The following CACNA2D4 variants were observed in gnomAD, a reference collection of about 807,000 sequenced individuals.
The protein encoded by CACNA2D4 is voltage-dependent calcium channel subunit alpha-2/delta-4.
A neutral mutation model predicts 163.8 loss-of-function variants in CACNA2D4; 157 were observed. That is an observed-to-expected ratio of 0.96 (90% CI 0.84 to 1.09). The LOEUF is 1.09. CACNA2D4 is among the 50% of genes least tolerant of loss of function. The pLI is 0.00. For missense variants in CACNA2D4, 1,410 were observed against 1,479.9 expected (o/e 0.95, Z 0.78); for synonymous variants, 598 against 586.9 (o/e 1.02, Z -0.27).
chr12:1,816,589 G>A (rs1204925022), intron 26 of CACNA2D4, among the ~76,000 whole-genome samples: 2 of 152,156 alleles, frequency 1.3e-5, no homozygotes, highest in Non-Finnish European at 2.9e-5. Context: ...CTGTAAGATC[G>A]CAGCTCAGCT....
chr12:1,879,134 A>T lies in CACNA2D4; in HGVS notation c.1564-98T>A, dbSNP rs1865940888. ...TGTCCAGAGCCTGGAAGAGGAAGCC[A>T]CTTAGGCTTTAAGTGGTTCTTCCTC... On this transcript the variant is annotated intron_variant, in intron 14 of 37. Transcript: ENST00000382722. 1.6e-5 allele frequency: 14 copies of T among 895,300 alleles called. No homozygotes were observed. In the South Asian group the frequency reaches 2.0e-4, roughly 13 times the overall value. The allele number at this position is 895,300 out of a possible 1,614,324, so 55.5% of individuals were successfully genotyped here.
At chr12:1,797,912 G>A (rs1279286556) in intron 34 of CACNA2D4, among the ~76,000 whole-genome samples, 2 of 152,188 alleles carry the variant, frequency 1.3e-5, no homozygotes, top group African/African-American at 4.8e-5. Context: ...CCAAGGGGTG[G>A]CTTGGGGGTA....
intron 26 of CACNA2D4, among the ~76,000 whole-genome samples, chr12:1,825,369 G>A (rs1302491361): frequency 6.6e-6 from 1 of 152,248 alleles, no homozygotes; most frequent in African/African-American, 2.4e-5. Context: ...CAGAAGGAGT[G>A]GGAGCAGACA....
chr12:1,815,098 G>A (rs1336840790), intron 26 of CACNA2D4, among the ~76,000 whole-genome samples: 3 of 152,132 alleles, frequency 2.0e-5, no homozygotes, highest in Non-Finnish European at 2.9e-5. Flanking sequence ...CGCCATGCTG[G>A]CCAGGCTGGT....
Position 1,813,649 on chromosome 12 carries a change from T to A in CACNA2D4, c.2552-1926A>T, listed in dbSNP as rs139156348. On this transcript the variant is annotated intron_variant, in intron 26 of 37. Transcript: ENST00000382722. ...CCGAGGCTTTGAGAGGTACCTCCCC[T>A]CCCTTGGAGTCTCATGGCAATCCTG... 3.4e-3 allele frequency among the ~76,000 whole-genome samples: 512 copies of A among 152,308 alleles called. 3 individuals are homozygous for A. Among genetic ancestry groups the A allele is most frequent in the African/African-American group, 8.7e-3 (360 of 41,582 alleles).
chr12:1,860,802 C>T (rs935363332), intron 18 of CACNA2D4, among the ~76,000 whole-genome samples: 1 of 152,228 alleles, frequency 6.6e-6, no homozygotes, highest in African/African-American at 2.4e-5. Flanking sequence ...TCTAAGCTGC[C>T]ATCTTTTAGC....
chr12:1,887,888 G>A (rs1399329232), intron 6 of CACNA2D4, among the ~76,000 whole-genome samples: 1 of 152,188 alleles, frequency 6.6e-6, no homozygotes, highest in Non-Finnish European at 1.5e-5. Flanking sequence ...GAAGCTCCAA[G>A]GGCCCTTCCT....
In CACNA2D4 at chr12:1,811,647, C is replaced by A. The variant is rs950045747; in HGVS notation, c.2613+15G>T. 3 of 1,558,370 alleles carry A rather than the reference C, an allele frequency of 1.9e-6. No individual in the cohort carries two copies. Among genetic ancestry groups the A allele is most frequent in the East Asian group, 2.4e-5 (1 of 41,128 alleles). On this transcript the variant is annotated intron_variant, in intron 27 of 37. Coordinates refer to ENST00000382722, the MANE Select transcript of CACNA2D4 (RefSeq NM_172364.5). ...GTGAGTCCCCAGCCCCGACCTGGCC[C>A]GACATCACACCTACCTGCCGCGTTG...
chr12:1,800,937 G>A (rs1863298912), intron 31 of CACNA2D4, 106 bp downstream of exon 31: 2 of 1,032,522 alleles, frequency 1.9e-6, no homozygotes, highest in African/African-American at 3.1e-5. Context: ...GGGCCCTGGG[G>A]CCAGACACCC....
rs537117063 is a variant in CACNA2D4 at position 1,805,255 on chromosome 12, C to T, written c.2722-3611G>A. On this transcript the variant is annotated intron_variant, in intron 29 of 37. Transcript: ENST00000382722. Reference sequence around the variant, plus strand: ...CCTGTGAGCACCACCCAGAAGCCTGCGGGGGAAGCAGATGGGGGCAGAGGC... The same window carrying T: ...CCTGTGAGCACCACCCAGAAGCCTGTGGGGGAAGCAGATGGGGGCAGAGGC... 3.0e-3 allele frequency among the ~76,000 whole-genome samples: 450 copies of T among 152,168 alleles called. 1 individual carries two copies. Among genetic ancestry groups the T allele is most frequent in the African/African-American group, 0.01 (431 of 41,514 alleles).
At chr12:1,853,286 T>C (rs1565711437) in intron 23 of CACNA2D4, among the ~76,000 whole-genome samples, 1 of 152,208 alleles carries the variant, frequency 6.6e-6, no homozygotes, top group Non-Finnish European at 1.5e-5. Context: ...TTCCACATCT[T>C]GCTTTTTTCA....
chr12:1,884,881 A>G lies in CACNA2D4; in HGVS notation c.1159T>C (p.Phe387Leu). Residue 387 changes from phenylalanine to leucine, a missense_variant and splice_region_variant, in exon 11 of 38, where the codon TTC becomes CTC. Transcript: ENST00000382722. Reference sequence around the variant, plus strand: ...AGGCTTCCTTGCTTGGCCTCTTGGAACTGTGTAGGGAAGAGGAGTGCCCAT... The same window carrying G: ...AGGCTTCCTTGCTTGGCCTCTTGGAGCTGTGTAGGGAAGAGGAGTGCCCAT... ...LREAFQILKQ[F>L]QEAKQGSLCN... 1 of 1,613,070 alleles carries G rather than the reference A, an allele frequency of 6.2e-7. No individual in the cohort carries two copies. The highest frequency in any genetic ancestry group is 1.3e-5 in the African/African-American group (1 of 74,964).
chr12:1,896,177 A>G (rs1436844814), intron 6 of CACNA2D4, among the ~76,000 whole-genome samples: 1 of 152,210 alleles, frequency 6.6e-6, no homozygotes, highest in African/African-American at 2.4e-5. Context: ...ATTAGTCTCT[A>G]CAGAAATTTT....
At position 1,799,806 on chromosome 12, in the gene CACNA2D4, C is replaced by T. The variant is rs145808772; in HGVS notation, c.2975-111G>A. 7.7e-5 allele frequency: 108 copies of T among 1,399,686 alleles called. No individual in the cohort carries two copies. The African/African-American group carries it at 1.1e-3, about 14-fold the overall frequency. The allele number at this position is 1,399,686 out of a possible 1,614,324, so 86.7% of individuals were successfully genotyped here. ...ATGATGGCACATGGAGTGGCGGTGT[C>T]CCAAGATGATGTCACACACAGAGCC... On this transcript the variant is annotated intron_variant, in intron 33 of 37. Transcript: ENST00000382722. This position sits in a 1 kb window ranked among gnomAD's most constrained non-coding sequence, Gnocchi z 4.7.
chr12:1,803,872 G>A (rs1387688538), intron 29 of CACNA2D4, among the ~76,000 whole-genome samples: 2 of 152,176 alleles, frequency 1.3e-5, no homozygotes, highest in South Asian at 2.1e-4. Flanking sequence ...GCTGAAAACC[G>A]GCACCTCCTA....
At chr12:1,796,834 A>T (rs924791903) in intron 35 of CACNA2D4, among the ~76,000 whole-genome samples, 1 of 152,174 alleles carries the variant, frequency 6.6e-6, no homozygotes, top group Non-Finnish European at 1.5e-5. Flanking sequence ...GGGGGTCAGC[A>T]GGAGAGACCC....
intron 26 of CACNA2D4, among the ~76,000 whole-genome samples, chr12:1,817,472 C>T (rs1225997656): frequency 6.6e-6 from 1 of 152,058 alleles, no homozygotes; most frequent in East Asian, 1.9e-4. Flanking sequence ...CTCCCTCTCC[C>T]CTCTCCCCTC....
chr12:1,887,729 G>A (rs1866182932), intron 6 of CACNA2D4, among the ~76,000 whole-genome samples: 1 of 152,166 alleles, frequency 6.6e-6, no homozygotes, highest in Non-Finnish European at 1.5e-5. Flanking sequence ...AGAAAACACT[G>A]ACATGATCCA....
Position 1,829,012 on chromosome 12 carries a change from C to T in CACNA2D4, c.2551+11727G>A, listed in dbSNP as rs554973230. ...TCCCGCTCTGATCCAGCACCCAACA[C>T]GGGCAGCCTGAATTATTCACCATGT... On this transcript the variant is annotated intron_variant, in intron 26 of 37. Transcript: ENST00000382722. The surrounding 1 kb of genome is among the most constrained non-coding windows in gnomAD (Gnocchi z 4.2). 1.6e-4 allele frequency among the ~76,000 whole-genome samples: 25 copies of T among 152,238 alleles called. No individual in the cohort carries two copies. The highest frequency in any genetic ancestry group is 3.3e-4 in the Admixed American group (5 of 15,288).
Sources: allele counts gnomAD v4.1 joint callset (sites outside exome capture counted in the v4.1 genomes callset), GRCh38; gene constraint gnomAD v4.1.1; non-coding constraint Gnocchi (gnomAD v3.1); transcripts MANE v1.5; gene names NCBI Gene and HGNC (gene_info 2026-07-23, HGNC 2026-07-21).